TSHZ2: variants seen among roughly 807,000 people sequenced by gnomAD.
The protein encoded by TSHZ2 is teashirt homolog 2.
Under a neutral mutation model 74.4 loss-of-function variants are expected in TSHZ2, and 21 were observed. The observed-to-expected ratio is 0.28, with a 90% CI of 0.20 to 0.41. The LOEUF is 0.41. Ranked by LOEUF, TSHZ2 falls within the 10% of genes least tolerant of loss-of-function variation. The pLI, the probability that TSHZ2 is intolerant of heterozygous loss-of-function variation, is 1.00. For missense variants in TSHZ2, 1,244 were observed against 1,293.5 expected (o/e 0.96, Z 0.59); for synonymous variants, 540 against 515.3 (o/e 1.05, Z -0.65).
At chr20:53,090,650 G>T (rs1487529615) in intron 1 of TSHZ2, among the ~76,000 whole-genome samples, 1 of 152,134 alleles carries the variant, frequency 6.6e-6, no homozygotes, top group African/African-American at 2.4e-5. Context: ...TGCTTGCAAG[G>T]GTCTCCGAGC....
chr20:53,099,084 T>C (rs1235854838), intron 1 of TSHZ2, among the ~76,000 whole-genome samples: 2 of 152,176 alleles, frequency 1.3e-5, no homozygotes, highest in Non-Finnish European at 2.9e-5. Context: ...GAATGAATGG[T>C]GACCTCCCCC....
intron 1 of TSHZ2, among the ~76,000 whole-genome samples, chr20:53,161,079 A>G (rs1987923085): frequency 1.4e-5 from 2 of 138,762 alleles, no homozygotes. Context: ...ACTTGGTTCC[A>G]TTAGACTCCT....
rs145856132 is a variant in TSHZ2 at position 53,085,372 on chromosome 20, A to AAG, written c.40+112057_40+112058dup. 1.2e-3 allele frequency among the ~76,000 whole-genome samples: 186 copies of AAG among 150,638 alleles called. 1 individual carries two copies. Among genetic ancestry groups the AAG allele is most frequent in the African/African-American group, 3.6e-3 (148 of 41,172 alleles). On this transcript the variant is annotated intron_variant, in intron 1 of 2. Coordinates refer to ENST00000371497, the MANE Select transcript of TSHZ2 (RefSeq NM_173485.6). ...ACAATGAAACTCCATCTCAAAAAGA[A>AAG]AGAGAGAGAGAGAGAGAGAAAGAAA...
intron 1 of TSHZ2, among the ~76,000 whole-genome samples, chr20:53,227,604 GA>G (rs1306326261): frequency 6.6e-6 from 1 of 152,108 alleles, no homozygotes; most frequent in East Asian, 1.9e-4. Flanking sequence ...CTATCAAACT[GA>G]AGGGTAATTT....
At chr20:53,281,164 G>C (rs1991053741) in intron 2 of TSHZ2, among the ~76,000 whole-genome samples, 1 of 152,146 alleles carries the variant, frequency 6.6e-6, no homozygotes, top group South Asian at 2.1e-4. Flanking sequence ...TTGTAAGAAT[G>C]CTGAGCCAAA....
rs1384620977 is a variant in TSHZ2 at position 53,047,179 on chromosome 20, T to C, written c.40+73846T>C. 2.0e-5 allele frequency among the ~76,000 whole-genome samples: 3 copies of C among 152,246 alleles called. No individual in the cohort carries two copies. The East Asian group carries it at 5.8e-4, about 29-fold the overall frequency. Reference sequence around the variant, plus strand: ...ATGTTAACATTAAACAATGCCGGTTTGGCTTCTGTAAAACAGACTCTAACT... The same window carrying C: ...ATGTTAACATTAAACAATGCCGGTTCGGCTTCTGTAAAACAGACTCTAACT... On this transcript the variant is annotated intron_variant, in intron 1 of 2. Coordinates refer to ENST00000371497, the MANE Select transcript of TSHZ2 (RefSeq NM_173485.6).
rs1990388526 is a variant in TSHZ2, at chr20:53,253,773, C to G, written c.315C>G (p.Asp105Glu). 1.2e-6 allele frequency: 2 copies of G among 1,614,200 alleles called. No individual in the cohort carries two copies. Among genetic ancestry groups the G allele is most frequent in the Non-Finnish European group, 8.5e-7 (1 of 1,180,028 alleles). Residue 105 changes from aspartate to glutamate, a missense_variant, in exon 2 of 3, where the codon GAC (aspartate) becomes GAG (glutamate). This residue lies in a region of TSHZ2 where 470 missense variants were observed against 456.5 expected (regional missense o/e 1.03). Coordinates refer to ENST00000371497, the MANE Select transcript of TSHZ2 (RefSeq NM_173485.6). ...GTGTCTGCGGCAGAGATGCCTCAGA[C>G]AAGAAAGCACACACTCACGTCAGGC... ...IKSVCGRDAS[D>E]KKAHTHVRLP...
chr20:53,292,551 C>T (rs1015787460), intron 2 of TSHZ2, among the ~76,000 whole-genome samples: 4 of 151,760 alleles, frequency 2.6e-5, no homozygotes, highest in African/African-American at 9.7e-5. Flanking sequence ...AGGTTCAAAC[C>T]ATCCTCCTGC....
intron 1 of TSHZ2, among the ~76,000 whole-genome samples, chr20:53,209,971 G>A (rs1989260861): frequency 6.6e-6 from 1 of 152,194 alleles, no homozygotes; most frequent in Non-Finnish European, 1.5e-5. Context: ...GGAAGAAGAT[G>A]GCCCCCTCTA....
At chr20:53,013,541 G>A (rs530211079) in intron 1 of TSHZ2, among the ~76,000 whole-genome samples, 2 of 152,152 alleles carry the variant, frequency 1.3e-5, no homozygotes, top group Non-Finnish European at 2.9e-5. Context: ...CTCTAGACTG[G>A]GCGAGAATCC....
intron 1 of TSHZ2, among the ~76,000 whole-genome samples, chr20:53,247,452 C>T (rs947252551): frequency 7.2e-5 from 11 of 152,200 alleles, no homozygotes; most frequent in Non-Finnish European, 1.5e-5. Context: ...GGCCTGGCTA[C>T]CCTTGAGAAT....
intron 1 of TSHZ2, among the ~76,000 whole-genome samples, chr20:53,039,797 C>T (rs1037053313): frequency 1.3e-5 from 2 of 151,032 alleles, no homozygotes; most frequent in African/African-American, 2.4e-5. Flanking sequence ...CACACACACA[C>T]ACACACACAC....
intron 2 of TSHZ2, among the ~76,000 whole-genome samples, chr20:53,288,150 C>T (rs1045002160): frequency 6.6e-6 from 1 of 152,080 alleles, no homozygotes; most frequent in Admixed American, 6.5e-5. Context: ...CCTGTAATCC[C>T]TCCTGCACTT....
At chr20:53,458,649 G>T (rs1170776109) in intron 2 of TSHZ2, among the ~76,000 whole-genome samples, 1 of 151,738 alleles carries the variant, frequency 6.6e-6, no homozygotes, top group Non-Finnish European at 1.5e-5. Flanking sequence ...TTTTAATTGT[G>T]ATGTTAGGGT....
In TSHZ2 at chr20:53,335,595, G is replaced by A. The variant is rs188703500; in HGVS notation, c.*8+79024G>A. Among the ~76,000 whole-genome samples, 218 of 152,342 alleles carry A rather than the reference G, an allele frequency of 1.4e-3. 1 individual carries two copies. The highest frequency in any genetic ancestry group is 5.0e-3 in the African/African-American group (207 of 41,574). On this transcript the variant is annotated intron_variant, in intron 2 of 2. Transcript: ENST00000371497. Reference sequence around the variant, plus strand: ...GGTCATTTCCTTTTGCATATCGGAAGAATCATCTCAATCATTCGTTTGCAA... The same window carrying A: ...GGTCATTTCCTTTTGCATATCGGAAAAATCATCTCAATCATTCGTTTGCAA...
intron 1 of TSHZ2, among the ~76,000 whole-genome samples, chr20:53,252,714 T>G (rs1426627973): frequency 1.3e-5 from 2 of 152,194 alleles, no homozygotes; most frequent in African/African-American, 4.8e-5. Flanking sequence ...GCATTTGAAA[T>G]TACAGGCACA....
At chr20:53,472,092 C>A (rs538270477) in intron 2 of TSHZ2, among the ~76,000 whole-genome samples, 1 of 152,168 alleles carries the variant, frequency 6.6e-6, no homozygotes, top group African/African-American at 2.4e-5. Flanking sequence ...GGTGTGAGCC[C>A]GCGCCCGGCC....
At chr20:53,334,435 C>T (rs1224577185) in intron 2 of TSHZ2, among the ~76,000 whole-genome samples, 2 of 151,924 alleles carry the variant, frequency 1.3e-5, no homozygotes, top group Admixed American at 6.6e-5. Context: ...GAGGTGGGAG[C>T]ATGCCTGGTA....
At chr20:52,995,105 T>C (rs989010127) in intron 1 of TSHZ2, among the ~76,000 whole-genome samples, 2 of 152,176 alleles carry the variant, frequency 1.3e-5, no homozygotes, top group African/African-American at 4.8e-5. Context: ...AGGTCAAACT[T>C]TTTTATCTTG....
Sources: gnomAD v4.1 joint callset for allele counts (sites outside exome capture counted in the v4.1 genomes callset) on GRCh38, gnomAD v4.1.1 for gene constraint, gnomAD v4.1.1 regional missense constraint, MANE v1.5 for transcripts, NCBI Gene and HGNC (gene_info 2026-07-23, HGNC 2026-07-21) for gene names.